Variants in ANTXR1 observed in about 807,000 individuals in gnomAD.
ANTXR1 encodes the protein ANTXR cell adhesion molecule 1.
A neutral mutation model predicts 78.1 loss-of-function variants in ANTXR1; 19 were observed. The ratio of observed to expected loss-of-function variants is 0.24; its 90% CI spans 0.17 to 0.36. The LOEUF (loss-of-function observed/expected upper bound fraction) is 0.36, where lower values mean the gene tolerates loss of function less well. Among genes scored for constraint, ANTXR1 ranks in the 10% least tolerant of loss-of-function variants. ANTXR1 has a pLI of 1.00. For missense variants in ANTXR1, 518 were observed against 718.6 expected (o/e 0.72, Z 3.19); for synonymous variants, 273 against 260.5 (o/e 1.05, Z -0.46).
Position 69,246,297 on chromosome 2 carries a change from A to T in ANTXR1, c.*812A>T, listed in dbSNP as rs1180670917. 2.0e-5 allele frequency: 3 copies of T among 152,342 alleles called. No individual in the cohort carries two copies. In the East Asian group the frequency reaches 5.8e-4, roughly 29 times the overall value. 9.4% of individuals were successfully genotyped at this position (152,342 alleles called of 1,614,324 possible). A position where few individuals can be genotyped will look rare whatever the true frequency, so the allele number is the denominator to read the frequency against. On this transcript the variant is annotated 3_prime_UTR_variant, in exon 18 of 18. Transcript: ENST00000303714. ...CCAGACATGGACCCTAAATCAACAG[A>T]CAATGGCATTGTCGAAGAGCAACCT...
intron 3 of ANTXR1, among the ~76,000 whole-genome samples, chr2:69,069,277 C>T (rs1405503153): frequency 6.6e-6 from 1 of 152,150 alleles, no homozygotes; most frequent in South Asian, 2.1e-4. Context: ...TGATTAAGAA[C>T]AGGGCCTCTG....
rs369137693 is a variant in ANTXR1 at position 69,193,414 on chromosome 2, C to T, written c.1433C>T (p.Thr478Met). The T allele has an allele frequency of 9.3e-6, 15 of 1,612,424 alleles. No homozygotes were observed. The highest frequency in any genetic ancestry group is 6.7e-5 in the Admixed American group (4 of 59,926). The change falls in exon 17 of 18, where the codon ACG becomes ATG. Residue 478 changes from threonine to methionine, a missense_variant and splice_region_variant. Transcript: ENST00000303714. ...VSVMRPQPGD[T>M]GRCINFTRVK... ...GTGATGCGTCCACAGCCAGGAGACA[C>T]GGTAGGACTCGTTAATTCATTAATG...
intron 17 of ANTXR1, among the ~76,000 whole-genome samples, chr2:69,204,434 GA>G (rs1674846882): frequency 6.6e-6 from 1 of 152,104 alleles, no homozygotes; most frequent in African/African-American, 2.4e-5. Context: ...CTTCATTTTA[GA>G]GGCACCAAAG....
chr2:69,138,580 C>T (rs1258898561), intron 12 of ANTXR1, among the ~76,000 whole-genome samples: 1 of 152,162 alleles, frequency 6.6e-6, no homozygotes, highest in Non-Finnish European at 1.5e-5. Context: ...CTCACCTATA[C>T]ATTAAGGCAC....
intron 3 of ANTXR1, among the ~76,000 whole-genome samples, chr2:69,045,630 A>T (rs1285066601): frequency 6.6e-6 from 1 of 152,146 alleles, no homozygotes. Flanking sequence ...TTATTCTCTA[A>T]CGTTCTTATA....
intron 10 of ANTXR1, among the ~76,000 whole-genome samples, chr2:69,107,741 G>A (rs574078170): frequency 1.5e-4 from 23 of 152,188 alleles, no homozygotes; most frequent in Admixed American, 1.1e-3. Flanking sequence ...AGACAGAGGG[G>A]GAATTTGTTC....
chr2:69,160,441 T>C (rs1271623697), intron 13 of ANTXR1, among the ~76,000 whole-genome samples: 1 of 152,176 alleles, frequency 6.6e-6, no homozygotes, highest in Non-Finnish European at 1.5e-5. Flanking sequence ...ACTAGAAAAT[T>C]GGAACCATAT....
At chr2:69,057,489 T>C (rs574824053) in intron 3 of ANTXR1, among the ~76,000 whole-genome samples, 2 of 152,348 alleles carry the variant, frequency 1.3e-5, no homozygotes, top group South Asian at 4.1e-4. Context: ...CTGTGATCAG[T>C]CATCTTTGAT....
chr2:69,195,947 G>A (rs1412123983), intron 17 of ANTXR1, among the ~76,000 whole-genome samples: 3 of 151,998 alleles, frequency 2.0e-5, no homozygotes, highest in East Asian at 1.9e-4. Context: ...TCATAAACTG[G>A]GTCAACCTAA....
rs142584035 is a variant in ANTXR1 at position 69,244,584 on chromosome 2, G to A, written c.1435-641G>A. Among the ~76,000 whole-genome samples the A allele has an allele frequency of 2.1e-3, 316 of 152,300 alleles. 2 individuals are homozygous for A. The highest frequency in any genetic ancestry group is 0.02 in the Middle Eastern group (6 of 294). On this transcript the variant is annotated intron_variant, in intron 17 of 17. Transcript: ENST00000303714. ...CAAGTGTTTGAGGGGGCACAGACGA[G>A]GTAAATGCATCAGGGCCTCCATGAC...
At chr2:69,123,619 C>G (rs943843283) in intron 11 of ANTXR1, among the ~76,000 whole-genome samples, 1 of 152,222 alleles carries the variant, frequency 6.6e-6, no homozygotes, top group South Asian at 2.1e-4. Flanking sequence ...TTCCTTGACT[C>G]TGCGCAGCAT....
chr2:69,050,485 C>T (rs1319103531), intron 3 of ANTXR1, among the ~76,000 whole-genome samples: 1 of 144,766 alleles, frequency 6.9e-6, no homozygotes, highest in Non-Finnish European at 1.5e-5. Context: ...CAATCTCTGT[C>T]AGTTTGGGAG....
chr2:69,101,313 C>G (rs1431458025), intron 9 of ANTXR1, among the ~76,000 whole-genome samples: 1 of 152,184 alleles, frequency 6.6e-6, no homozygotes, highest in African/African-American at 2.4e-5. Context: ...AGTGAGTCCC[C>G]CTTTTCGCAT....
intron 13 of ANTXR1, among the ~76,000 whole-genome samples, chr2:69,162,520 TC>T (rs752296728): frequency 2.6e-5 from 4 of 152,198 alleles, no homozygotes; most frequent in Non-Finnish European, 5.9e-5. Context: ...TCTGGCAGGT[TC>T]GTCCCTCAAC....
At chr2:69,210,595 A>C (rs1043439959) in intron 17 of ANTXR1, among the ~76,000 whole-genome samples, 2 of 152,212 alleles carry the variant, frequency 1.3e-5, no homozygotes, top group Non-Finnish European at 2.9e-5. Flanking sequence ...AGCACAGCAT[A>C]GTTACACACT....
At chr2:69,014,311 A>G (rs1004953289) in intron 1 of ANTXR1, among the ~76,000 whole-genome samples, 2 of 152,032 alleles carry the variant, frequency 1.3e-5, no homozygotes, top group African/African-American at 4.8e-5. Context: ...GGATGCCAGT[A>G]ACATCCCCCG....
intron 10 of ANTXR1, chr2:69,103,860 GT>G (rs1208064612): frequency 1.3e-5 from 2 of 152,774 alleles, no homozygotes; most frequent in Non-Finnish European, 2.9e-5. Context: ...GCCCTGAGAG[GT>G]AAAGAGAGCA....
intron 12 of ANTXR1, among the ~76,000 whole-genome samples, chr2:69,124,895 T>C (rs1251387972): frequency 6.6e-6 from 1 of 152,112 alleles, no homozygotes; most frequent in Non-Finnish European, 1.5e-5. Flanking sequence ...AGATCTAAAG[T>C]CACTGGCCTG....
chr2:69,172,702 C>T, intron 14 of ANTXR1: 1 of 375,552 alleles, frequency 2.7e-6, no homozygotes. Context: ...AATAAGCTCT[C>T]AGTGACCTTT....
Sources: gnomAD v4.1 joint callset for allele counts (sites outside exome capture counted in the v4.1 genomes callset) on GRCh38, gnomAD v4.1.1 for gene constraint, MANE v1.5 for transcripts, NCBI Gene and HGNC (gene_info 2026-07-23, HGNC 2026-07-21) for gene names.